Variants in ARHGEF38 observed in about 807,000 individuals in gnomAD.
ARHGEF38 encodes Rho guanine nucleotide exchange factor 38.
In ARHGEF38, 79 loss-of-function variants were observed where a neutral mutation model predicts 79.9. That is an observed-to-expected ratio of 0.99 (90% confidence interval 0.82 to 1.19). The LOEUF is 1.19. ARHGEF38 is among the 50% of genes most tolerant of loss of function. The pLI is 0.00. For missense variants in ARHGEF38, 962 were observed against 907.2 expected, an observed-to-expected ratio of 1.06 and a Z score of -0.78; for synonymous variants, 366 against 328.3, an observed-to-expected ratio of 1.11 and a Z score of -1.24.
rs70941203 is a variant in ARHGEF38 at position 105,590,074 on chromosome 4, AGAAGGAAGGAAGGAAGGAAGGAAG to A, written c.384+671_384+694del. On this transcript the variant is annotated intron_variant, in intron 2 of 13. Transcript: ENST00000420470. ...GAGAGAAAGAAAGAAAAAGAAAGAA[AGAAGGAAGGAAGGAAGGAAGGAAG>A]GAAGGAAGGAAGGAAGGAAGGAAGG... Among the ~76,000 whole-genome samples the A allele has an allele frequency of 4.7e-3, 515 of 109,536 alleles. 4 individuals carry two copies. The highest frequency in any genetic ancestry group is 0.016 in the African/African-American group (422 of 26,566). The allele number at this position is 109,536 out of a possible 152,430, so 71.9% of individuals were successfully genotyped here.
At chr4:105,624,519 C>T (rs1445977801) in intron 3 of ARHGEF38, among the ~76,000 whole-genome samples, 1 of 152,210 alleles carries the variant, frequency 6.6e-6, no homozygotes, top group Non-Finnish European at 1.5e-5. Flanking sequence ...TAGCCAGGGT[C>T]TCTTGGGTAT....
intron 1 of ARHGEF38, among the ~76,000 whole-genome samples, chr4:105,587,489 C>T (rs1727111316): frequency 6.6e-6 from 1 of 152,070 alleles, no homozygotes; most frequent in African/African-American, 2.4e-5. Context: ...GAGACAGAGT[C>T]TCATTCTCTC....
chr4:105,594,517 C>T (rs1444020925), intron 2 of ARHGEF38, among the ~76,000 whole-genome samples: 7 of 152,198 alleles, frequency 4.6e-5, no homozygotes, highest in Admixed American at 2.0e-4. Context: ...TCGGATTCAT[C>T]ATCTTTTCTC....
chr4:105,598,115 C>A (rs1371903139), intron 2 of ARHGEF38, among the ~76,000 whole-genome samples: 3 of 152,064 alleles, frequency 2.0e-5, no homozygotes, highest in Admixed American at 6.6e-5. Context: ...TATAAAACAA[C>A]CTCCTATGTA....
chr4:105,612,843 A>C (rs927934319), intron 2 of ARHGEF38, among the ~76,000 whole-genome samples: 1 of 152,154 alleles, frequency 6.6e-6, no homozygotes, highest in African/African-American at 2.4e-5. Flanking sequence ...AAGGGTGTGC[A>C]TGAAATAACA....
At chr4:105,605,432 T>A (rs1727997506) in intron 2 of ARHGEF38, among the ~76,000 whole-genome samples, 1 of 152,070 alleles carries the variant, frequency 6.6e-6, no homozygotes, top group Non-Finnish European at 1.5e-5. Context: ...GAACTCCCAC[T>A]CCCCTTTCTG....
chr4:105,561,484 A>AGAATGGAATG (rs1560684665), intron 1 of ARHGEF38: 5 of 59,916 alleles, frequency 8.3e-5, no homozygotes, highest in African/African-American at 1.8e-4. Context: ...AGAATAGAAT[A>AGAATGGAATG]GAATAGAATA....
Position 105,645,189 on chromosome 4 carries a change from G to A in ARHGEF38, c.676G>A (p.Gly226Ser), listed in dbSNP as rs1288475675. 2.0e-6 allele frequency: 3 copies of A among 1,503,050 alleles called. No individual in the cohort carries two copies. Among genetic ancestry groups the A allele is most frequent in the African/African-American group, 1.4e-5 (1 of 71,872 alleles). 93.1% of individuals were successfully genotyped at this position (1,503,050 alleles called of 1,614,324 possible). Residue 226 changes from glycine to serine, a missense_variant and splice_region_variant, in exon 6 of 14, where the codon GGC (glycine) becomes AGC (serine). Physicochemically the swap from Gly to Ser is moderately conservative, Grantham distance 56. Transcript: ENST00000420470. ...QSLKKIYMQE[G>S]KPNLLDMGSL... Reference sequence around the variant, plus strand: ...TGATATTATTTATCTGTATTGTAGAGGCAAACCAAACTTATTGGACATGGG... The same window carrying A: ...TGATATTATTTATCTGTATTGTAGAAGCAAACCAAACTTATTGGACATGGG...
chr4:105,636,635 A>G (rs1251751169), intron 5 of ARHGEF38, among the ~76,000 whole-genome samples: 2 of 152,058 alleles, frequency 1.3e-5, no homozygotes, highest in East Asian at 3.9e-4. Context: ...GAAGAATCCC[A>G]ACATATAATT....
intron 5 of ARHGEF38, among the ~76,000 whole-genome samples, chr4:105,638,702 C>G (rs1046991892): frequency 6.7e-6 from 1 of 148,332 alleles, no homozygotes; most frequent in Non-Finnish European, 1.5e-5. Flanking sequence ...AATAGGAACA[C>G]TATACGTTTC....
At chr4:105,651,270 T>C (rs182567501) in intron 7 of ARHGEF38, among the ~76,000 whole-genome samples, 40 of 152,348 alleles carry the variant, frequency 2.6e-4, no homozygotes, top group Admixed American at 2.4e-3. Flanking sequence ...ATTTTACTGT[T>C]AATCAGAAAA....
chr4:105,636,385 CT>C lies in ARHGEF38; in HGVS notation c.657-13del. On this transcript the variant is annotated splice_polypyrimidine_tract_variant and intron_variant, in intron 4 of 13. Transcript: ENST00000420470. ...ATACAGATTTACATGAATTTACTTTCTTTTTCTTCTCTTACAGGAAAATATA... is the reference window on the plus strand; with the variant it reads ...ATACAGATTTACATGAATTTACTTTCTTTTCTTCTCTTACAGGAAAATATA... The C allele has an allele frequency of 2.4e-6, 1 of 420,548 alleles. No homozygotes were observed. The highest frequency in any genetic ancestry group is 4.5e-5 in the South Asian group (1 of 22,126). 26.1% of individuals were successfully genotyped at this position (420,548 alleles called of 1,614,324 possible). A position where few individuals can be genotyped will look rare whatever the true frequency, so the allele number is the denominator to read the frequency against.
At chr4:105,604,088 G>A (rs1441949090) in intron 2 of ARHGEF38, among the ~76,000 whole-genome samples, 2 of 152,120 alleles carry the variant, frequency 1.3e-5, no homozygotes, top group African/African-American at 4.8e-5. Flanking sequence ...AACAGCTCCT[G>A]GAGTGCCATG....
intron 10 of ARHGEF38, among the ~76,000 whole-genome samples, chr4:105,663,167 T>C (rs908876392): frequency 6.6e-6 from 1 of 152,148 alleles, no homozygotes; most frequent in African/African-American, 2.4e-5. Flanking sequence ...AAAGGCAGAA[T>C]TGAATAGTGA....
chr4:105,603,109 T>G (rs754885450), intron 2 of ARHGEF38, among the ~76,000 whole-genome samples: 6 of 152,152 alleles, frequency 3.9e-5, no homozygotes, highest in Non-Finnish European at 8.8e-5. Flanking sequence ...AGCTAGCAGT[T>G]TGGTCAAAAT....
Position 105,636,383 on chromosome 4 carries a change from T to C in ARHGEF38, c.657-20T>C. 1 of 419,568 alleles carries C rather than the reference T, an allele frequency of 2.4e-6. No homozygotes were observed. Among genetic ancestry groups the C allele is most frequent in the South Asian group, 4.5e-5 (1 of 22,194 alleles). The allele number at this position is 419,568 out of a possible 1,614,324, so 26.0% of individuals were successfully genotyped here. A position where few individuals can be genotyped will look rare whatever the true frequency, so the allele number is the denominator to read the frequency against. On this transcript the variant is annotated intron_variant, in intron 4 of 13. Coordinates refer to ENST00000420470, the MANE Select transcript of ARHGEF38 (RefSeq NM_001242729.2). ...ATATACAGATTTACATGAATTTACT[T>C]TCTTTTTCTTCTCTTACAGGAAAAT...
intron 2 of ARHGEF38, among the ~76,000 whole-genome samples, chr4:105,610,868 C>T (rs916543109): frequency 2.1e-4 from 32 of 152,018 alleles, no homozygotes; most frequent in Admixed American, 2.0e-3. Context: ...ATACAGGAAA[C>T]TGACCTCGGG....
chr4:105,652,039 A>G (rs1730125967), intron 7 of ARHGEF38, among the ~76,000 whole-genome samples: 1 of 152,224 alleles, frequency 6.6e-6, no homozygotes, highest in South Asian at 2.1e-4. Flanking sequence ...TCCTATTTGC[A>G]CAAACCTGGT....
chr4:105,635,546 T>G (rs1729364787), intron 4 of ARHGEF38, among the ~76,000 whole-genome samples: 1 of 152,148 alleles, frequency 6.6e-6, no homozygotes, highest in Non-Finnish European at 1.5e-5. Context: ...CATTATTCAC[T>G]TATTGGTTTG....
Sources: allele counts gnomAD v4.1 joint callset (sites outside exome capture counted in the v4.1 genomes callset), GRCh38; gene constraint gnomAD v4.1.1; transcripts MANE v1.5; gene names NCBI Gene and HGNC (gene_info 2026-07-23, HGNC 2026-07-21).